OR1J2: variants seen among roughly 807,000 people sequenced by gnomAD.
The protein encoded by OR1J2 is olfactory receptor 1J2.
For synonymous variants in OR1J2, 142 were observed against 99.7 expected (o/e 1.42, Z -2.52); for missense variants, 304 against 246.1 (o/e 1.24, Z -1.57).
downstream of OR1J2, among the ~76,000 whole-genome samples, chr9:122,513,201 T>C (rs981895162): frequency 6.6e-6 from 1 of 152,352 alleles, no homozygotes; most frequent in South Asian, 2.1e-4. Flanking sequence ...TTTTGTCACA[T>C]TGGCTGTATG....
chr9:122,515,202 G>A (rs1025612053), downstream of OR1J2, among the ~76,000 whole-genome samples: 1 of 152,064 alleles, frequency 6.6e-6, no homozygotes, highest in Non-Finnish European at 1.5e-5. Flanking sequence ...TTCTTTCTCC[G>A]ATGTCAGTGA....
chr9:122,555,064 C>T, the OR1J2 span, among the ~76,000 whole-genome samples: 1 of 150,450 alleles, frequency 6.6e-6, no homozygotes. Context: ...TCAATTTCTT[C>T]TTTATAGCTA....
At chr9:122,508,587 G>A (rs1224105051), upstream of OR1J2, among the ~76,000 whole-genome samples, 8 of 152,214 alleles carry the variant, frequency 5.3e-5, no homozygotes, top group African/African-American at 1.9e-4. Context: ...TGAGATAGCA[G>A]CCTTATTTCC....
the OR1J2 span, among the ~76,000 whole-genome samples, chr9:122,534,339 T>C: frequency 6.6e-6 from 1 of 152,150 alleles, no homozygotes; most frequent in Admixed American, 6.5e-5. Context: ...GAGAATAAGA[T>C]GGTTTTTTGA....
chr9:122,547,024 G>A, the OR1J2 span, among the ~76,000 whole-genome samples: 1 of 151,998 alleles, frequency 6.6e-6, no homozygotes, highest in Non-Finnish European at 1.5e-5. Context: ...TCATCCTACA[G>A]TGGTATAGAA....
At chr9:122,579,673 G>A in the OR1J2 span, among the ~76,000 whole-genome samples, 1 of 152,138 alleles carries the variant, frequency 6.6e-6, no homozygotes, top group Non-Finnish European at 1.5e-5. Context: ...ATATACATAA[G>A]CATAAGGGGT....
At chr9:122,529,589 T>G in the OR1J2 span, among the ~76,000 whole-genome samples, 1 of 152,346 alleles carries the variant, frequency 6.6e-6, no homozygotes. Flanking sequence ...TCAAGCACTC[T>G]GCACCATCTC....
At chr9:122,540,168 T>A in the OR1J2 span, among the ~76,000 whole-genome samples, 1 of 151,564 alleles carries the variant, frequency 6.6e-6, no homozygotes, top group African/African-American at 2.4e-5. Context: ...GCTTTTGGTG[T>A]TTTAGACATG....
chr9:122,537,101 C>T, the OR1J2 span, among the ~76,000 whole-genome samples: 7 of 152,288 alleles, frequency 4.6e-5, no homozygotes, highest in Admixed American at 1.3e-4. Context: ...CCTTAAAATC[C>T]GAGCTCCCCA....
chr9:122,544,841 T>G, the OR1J2 span, among the ~76,000 whole-genome samples: 1 of 152,206 alleles, frequency 6.6e-6, no homozygotes, highest in South Asian at 2.1e-4. Flanking sequence ...CTCTAGTGTT[T>G]GTTTTTTATT....
the OR1J2 span, chr9:122,475,613 TATTG>T: frequency 6.6e-6 from 1 of 152,230 alleles, no homozygotes; most frequent in Non-Finnish European, 1.5e-5. Context: ...AGTGTTACGA[TATTG>T]ATTATTATTA....
At chr9:122,464,101 G>A in the OR1J2 span, among the ~76,000 whole-genome samples, 1 of 152,326 alleles carries the variant, frequency 6.6e-6, no homozygotes, top group African/African-American at 2.4e-5. Flanking sequence ...GCTCGCCTTT[G>A]GTGAGGCTTG....
chr9:122,559,905 A>T, the OR1J2 span, among the ~76,000 whole-genome samples: 1 of 152,192 alleles, frequency 6.6e-6, no homozygotes, highest in Non-Finnish European at 1.5e-5. Flanking sequence ...TGTCTCATTG[A>T]TCAGTCTAAT....
At chr9:122,518,874 C>T in the OR1J2 span, among the ~76,000 whole-genome samples, 7 of 152,196 alleles carry the variant, frequency 4.6e-5, no homozygotes, top group Admixed American at 1.3e-4. Flanking sequence ...TCTGCTAATA[C>T]GGTGTGAAGC....
chr9:122,507,486 G>T (rs568411401), upstream of OR1J2, among the ~76,000 whole-genome samples: 7 of 152,272 alleles, frequency 4.6e-5, no homozygotes, highest in Admixed American at 1.3e-4. Flanking sequence ...GCATTCAGCT[G>T]CTAGGCATCA....
the OR1J2 span, chr9:122,553,585 G>A: frequency 5.6e-6 from 9 of 1,613,786 alleles, no homozygotes; most frequent in Middle Eastern, 1.6e-4. Flanking sequence ...GCATATGACC[G>A]CTATGTGGCC....
the OR1J2 span, among the ~76,000 whole-genome samples, chr9:122,554,810 TGTA>T: frequency 0.55 from 83,449 of 151,666 alleles, 23,552 homozygotes; most frequent in East Asian, 0.97. Context: ...ACTCTTCTGT[TGTA>T]GTAAATAGAT....
At chr9:122,474,170 T>C in the OR1J2 span, among the ~76,000 whole-genome samples, 1 of 152,254 alleles carries the variant, frequency 6.6e-6, no homozygotes, top group Non-Finnish European at 1.5e-5. Flanking sequence ...CTATTTTTGC[T>C]CTGTATTTTC....
chr9:122,569,131 AT>A, the OR1J2 span, among the ~76,000 whole-genome samples: 1,344 of 151,730 alleles, frequency 8.9e-3, 18 homozygotes, highest in African/African-American at 0.031. Context: ...CAATAGAGTG[AT>A]TTTTTTTTCT....
Sources: allele counts gnomAD v4.1 joint callset (sites outside exome capture counted in the v4.1 genomes callset), GRCh38; gene constraint gnomAD v4.1.1; transcripts MANE v1.5; gene names NCBI Gene and HGNC (gene_info 2026-07-23, HGNC 2026-07-21).